Variants in SPTLC1 observed in about 807,000 individuals in gnomAD.
SPTLC1 encodes serine palmitoyltransferase long chain base subunit 1.
Under a neutral mutation model 68.9 loss-of-function variants are expected in SPTLC1, and 55 were observed. That is an observed-to-expected ratio of 0.80 (90% CI 0.64 to 1.00). The LOEUF is 1.00. Among genes scored for constraint, SPTLC1 ranks in the 50% least tolerant of loss-of-function variants. SPTLC1 has a pLI of 0.00. For synonymous variants in SPTLC1, 197 were observed against 201.6 expected (o/e 0.98, Z 0.19); for missense variants, 449 against 573.1 (o/e 0.78, Z 2.21).
intron 3 of SPTLC1, among the ~76,000 whole-genome samples, chr9:92,094,672 C>T (rs147337453): frequency 8.4e-4 from 128 of 152,288 alleles, no homozygotes; most frequent in Non-Finnish European, 1.5e-3. Flanking sequence ...ATAGTTTTAT[C>T]GTCCTTCCAA....
chr9:92,071,635 T>C (rs1449265892), intron 5 of SPTLC1, among the ~76,000 whole-genome samples: 2 of 152,154 alleles, frequency 1.3e-5, no homozygotes, highest in Non-Finnish European at 2.9e-5. Context: ...TAAGAGGAAG[T>C]GGCAGATCTA....
At chr9:92,080,795 C>A (rs1834854895) in intron 4 of SPTLC1, 75 bp downstream of exon 4, 7 of 1,244,668 alleles carry the variant, frequency 5.6e-6, no homozygotes, top group Non-Finnish European at 8.2e-6. Flanking sequence ...CACGCCCAGC[C>A]TGCCTTTGTC....
intron 8 of SPTLC1, 123 bp downstream of exon 8, chr9:92,055,282 T>C: frequency 6.5e-7 from 1 of 1,534,434 alleles, no homozygotes; most frequent in Non-Finnish European, 8.7e-7. Context: ...CTGAGCAAAA[T>C]ATGCTTATGA....
intron 12 of SPTLC1, among the ~76,000 whole-genome samples, chr9:92,041,604 A>G (rs1833350975): frequency 6.6e-6 from 1 of 152,246 alleles, no homozygotes; most frequent in Non-Finnish European, 1.5e-5. Flanking sequence ...TGAAGCAGAA[A>G]GAGTGGAAAA....
At position 92,059,187 on chromosome 9, in the gene SPTLC1, C is replaced by G. The variant is rs1290542896; in HGVS notation, c.682G>C (p.Asp228His). The G allele has an allele frequency of 6.2e-7, 1 of 1,613,504 alleles. No homozygotes were observed. The highest frequency in any genetic ancestry group is 8.5e-7 in the Non-Finnish European group (1 of 1,179,786). Residue 228 changes from aspartate (D) to histidine (H), a missense_variant, in exon 7 of 15, where the codon GAT becomes CAT. By Grantham distance (81) the Asp-to-His change is moderately conservative. This residue lies in a region of SPTLC1 where 391 missense variants were observed against 472.1 expected (regional missense o/e 0.83). Coordinates refer to ENST00000262554, the MANE Select transcript of SPTLC1 (RefSeq NM_006415.4). ...CTTCAAAAGAATCATACCTTTTGAT[C>G]TTCGATCTCTTGTTCTTTTAGTAGT... The part of the protein sequence containing the change: ...ERLLKEQEIE[D>H]QKNPRKARVT...
At chr9:92,041,900 T>C (rs1320723011) in intron 12 of SPTLC1, among the ~76,000 whole-genome samples, 2 of 152,204 alleles carry the variant, frequency 1.3e-5, no homozygotes, top group Non-Finnish European at 2.9e-5. Flanking sequence ...GTTCAACGTC[T>C]ATTTATGATT....
At chr9:92,102,921 C>T (rs1835810270) in intron 3 of SPTLC1, among the ~76,000 whole-genome samples, 1 of 151,570 alleles carries the variant, frequency 6.6e-6, no homozygotes, top group African/African-American at 2.4e-5. Context: ...GTATGTCCCT[C>T]TCTTGGGCAT....
chr9:92,091,306 A>G (rs1835352418), intron 3 of SPTLC1, among the ~76,000 whole-genome samples: 1 of 152,196 alleles, frequency 6.6e-6, no homozygotes, highest in Non-Finnish European at 1.5e-5. Context: ...GTGTAGAACC[A>G]CAAATACTGA....
intron 10 of SPTLC1, 122 bp from the exon 11 acceptor site, chr9:92,047,390 T>G (rs1437201441): frequency 2.8e-5 from 24 of 851,854 alleles, no homozygotes; most frequent in Non-Finnish European, 2.0e-6. Flanking sequence ...GGGGGTAAGA[T>G]CCAGCCATAA....
chr9:92,088,019 C>T (rs180712408), intron 3 of SPTLC1, among the ~76,000 whole-genome samples: 1 of 152,312 alleles, frequency 6.6e-6, no homozygotes, highest in East Asian at 1.9e-4. Context: ...TAGCAATCAG[C>T]GAGACTGTGT....
intron 3 of SPTLC1, among the ~76,000 whole-genome samples, chr9:92,081,723 C>T (rs1834891594): frequency 6.6e-6 from 1 of 152,118 alleles, no homozygotes; most frequent in Admixed American, 6.5e-5. Flanking sequence ...CCAGAGGAAA[C>T]AGTAAAACAA....
chr9:92,086,809 G>A (rs967365942), intron 3 of SPTLC1, among the ~76,000 whole-genome samples: 1 of 152,198 alleles, frequency 6.6e-6, no homozygotes, highest in Admixed American at 6.5e-5. Context: ...GATTGGGGAA[G>A]TTCTCCTGGA....
Position 92,114,746 on chromosome 9 carries a change from A to AT in SPTLC1, c.57+567_57+568insA, listed in dbSNP as rs563610322. On this transcript the variant is annotated intron_variant, in intron 1 of 14. Transcript: ENST00000262554. ...GCGAAACACCGTCTCAAAAAAAAAA[A>AT]ACAAAAATAAATAAATAAAAATCGA... 8.3e-4 allele frequency among the ~76,000 whole-genome samples: 121 copies of AT among 145,710 alleles called. 2 individuals carry two copies. Among genetic ancestry groups the AT allele is most frequent in the African/African-American group, 2.9e-3 (116 of 40,304 alleles).
chr9:92,047,104 G>T, intron 11 of SPTLC1, 68 bp downstream of exon 11: 1 of 1,314,986 alleles, frequency 7.6e-7, no homozygotes, highest in South Asian at 1.2e-5. Context: ...TCTCCAGTAA[G>T]TAAATCAGTA....
rs542876370 is a variant in SPTLC1, at chr9:92,055,470, G to A, written c.715C>T (p.Arg239Trp). 7 of 1,613,606 alleles carry A rather than the reference G, an allele frequency of 4.3e-6. No individual in the cohort carries two copies. The highest frequency in any genetic ancestry group is 3.3e-5 in the Admixed American group (2 of 60,026). The change falls in exon 8 of 15, where the codon CGG becomes TGG. Residue 239 changes from arginine to tryptophan, a missense_variant. Coordinates refer to ENST00000262554, the MANE Select transcript of SPTLC1 (RefSeq NM_006415.4). Reference sequence around the variant, plus strand: ...AATCCTTCTACTACAATGAAACGCCGAGTTACACGAGCCTTGCGAGGATTC... The same window carrying A: ...AATCCTTCTACTACAATGAAACGCCAAGTTACACGAGCCTTGCGAGGATTC... ...QKNPRKARVT[R>W]RFIVVEGLYM...
chr9:92,115,362 G>C lies in SPTLC1; in HGVS notation c.9C>G (p.Thr3=), dbSNP rs749811169. Residue 3 remains threonine, a synonymous_variant, in exon 1 of 15, where the codon ACC becomes ACG. Transcript: ENST00000262554. MA[T]ATEQWVLVEM... is the part of the protein sequence containing the mutation. Reference sequence around the variant, plus strand: ...CCACCAGAACCCACTGCTCCGTGGCGGTCGCCATAGTTAGCCGCTTCCTTC... The same window carrying C: ...CCACCAGAACCCACTGCTCCGTGGCCGTCGCCATAGTTAGCCGCTTCCTTC... 1 of 1,613,104 alleles carries C rather than the reference G, an allele frequency of 6.2e-7. No individual in the cohort carries two copies. The highest frequency in any genetic ancestry group is 8.5e-7 in the Non-Finnish European group (1 of 1,179,980).
intron 3 of SPTLC1, chr9:92,105,105 A>G: frequency 1.3e-6 from 2 of 1,533,182 alleles, no homozygotes; most frequent in Non-Finnish European, 1.7e-6. Flanking sequence ...ATGCAGCCCA[A>G]GGATCCTGCA....
chr9:92,051,545 C>T (rs1424409206), intron 8 of SPTLC1, among the ~76,000 whole-genome samples: 1 of 152,170 alleles, frequency 6.6e-6, no homozygotes, highest in Non-Finnish European at 1.5e-5. Context: ...TGAAAGCTTT[C>T]CTTATAAGAT....
chr9:92,041,678 G>A (rs1833353447), intron 12 of SPTLC1, among the ~76,000 whole-genome samples: 1 of 152,052 alleles, frequency 6.6e-6, no homozygotes, highest in Non-Finnish European at 1.5e-5. Context: ...GTTGGTACAA[G>A]GTTATAGATC....
Sources: gnomAD v4.1 joint callset for allele counts (sites outside exome capture counted in the v4.1 genomes callset) on GRCh38, gnomAD v4.1.1 for gene constraint, gnomAD v4.1.1 regional missense constraint, MANE v1.5 for transcripts, NCBI Gene and HGNC (gene_info 2026-07-23, HGNC 2026-07-21) for gene names.